SHPRH: variants seen among roughly 807,000 people sequenced by gnomAD.
SHPRH encodes E3 ubiquitin-protein ligase SHPRH.
A neutral mutation model predicts 202.5 loss-of-function variants in SHPRH; 106 were observed. The observed-to-expected ratio is 0.52, with a 90% confidence interval of 0.45 to 0.62. The LOEUF (loss-of-function observed/expected upper bound fraction) is 0.62. SHPRH is among the 20% of genes least tolerant of loss of function. SHPRH has a pLI of 0.00. For synonymous variants in SHPRH, 729 were observed against 686.0 expected, an observed-to-expected ratio of 1.06 and a Z score of -0.98; for missense variants, 1,710 against 2,020.0, an observed-to-expected ratio of 0.85 and a Z score of 2.94.
At chr6:145,895,074 T>G (rs755132734) in intron 25 of SHPRH, 97 bp from the exon 26 acceptor site, 1,500 of 1,032,174 alleles carry the variant, frequency 1.5e-3, no homozygotes, top group Non-Finnish European at 1.6e-3. Flanking sequence ...ATCAAAACTA[T>G]AAATGCATCA....
In SHPRH at chr6:145,943,269, G is replaced by C; in HGVS notation, c.2112C>G (p.Pro704=). The C allele has an allele frequency of 6.2e-7, 1 of 1,613,740 alleles. No individual in the cohort carries two copies. Among genetic ancestry groups the C allele is most frequent in the Non-Finnish European group, 8.5e-7 (1 of 1,179,908 alleles). The change falls in exon 9 of 30, where the codon CCC becomes CCG. Residue 704 remains proline, a synonymous_variant. Transcript: ENST00000275233. ...CTGGTTCCATTGCAACAAGGCAGTG[G>C]GGGCAGTAAAAAGGCTTGATCTTCA... ...KNLKIKPFYC[P]HCLVAMEPVS...
intron 2 of SHPRH, among the ~76,000 whole-genome samples, chr6:145,878,190 A>G (rs1017244141): frequency 6.6e-6 from 1 of 152,218 alleles, no homozygotes; most frequent in Non-Finnish European, 1.5e-5. Flanking sequence ...AAAATTGAGC[A>G]GAAAGTACAC....
In SHPRH at chr6:145,963,781, C is replaced by T. The variant is rs1170956792; in HGVS notation, c.-83G>A. 1 of 152,192 alleles carries T rather than the reference C, an allele frequency of 6.6e-6. No homozygotes were observed. Among genetic ancestry groups the T allele is most frequent in the South Asian group, 2.1e-4 (1 of 4,828 alleles). The allele number at this position is 152,192 out of a possible 1,614,324, so 9.4% of individuals were successfully genotyped here. On this transcript the variant is annotated 5_prime_UTR_variant, in exon 1 of 30. Coordinates refer to ENST00000275233, the MANE Select transcript of SHPRH (RefSeq NM_001042683.3). ...AGCGGCTCCCGGAGTCTGAGCGGGG[C>T]TGTCAGCGCCGGATCGCTCCCAGCA... is the stretch of plus-strand genomic sequence containing the variant.
chr6:145,900,870 T>C lies in SHPRH; in HGVS notation c.4516-5893A>G, dbSNP rs568284469. On this transcript the variant is annotated intron_variant, in intron 25 of 29. Coordinates refer to ENST00000275233, the MANE Select transcript of SHPRH (RefSeq NM_001042683.3). ...GTGATTTTTTATTGTTGCTGGGTTT[T>C]TCTTGAGTATTTTTTATCCGTGGTT... 2.6e-5 allele frequency among the ~76,000 whole-genome samples: 4 copies of C among 152,262 alleles called. No homozygotes were observed. The East Asian group carries it at 7.7e-4, about 29-fold the overall frequency.
intron 2 of SHPRH, among the ~76,000 whole-genome samples, chr6:145,876,282 G>A (rs974112730): frequency 1.3e-5 from 2 of 152,136 alleles, no homozygotes; most frequent in Admixed American, 6.5e-5. Context: ...GCCAAGGCAG[G>A]AGGATCATTT....
chr6:145,899,782 A>G (rs1782336066), intron 25 of SHPRH, among the ~76,000 whole-genome samples: 1 of 152,188 alleles, frequency 6.6e-6, no homozygotes, highest in South Asian at 2.1e-4. Flanking sequence ...TATCCAAAAT[A>G]TACCAGAAAC....
chr6:145,876,530 T>C (rs1218555973), intron 2 of SHPRH, among the ~76,000 whole-genome samples: 1 of 152,224 alleles, frequency 6.6e-6, no homozygotes, highest in Non-Finnish European at 1.5e-5. Context: ...CCAAATCATA[T>C]TCCATTAGAA....
chr6:145,951,764 T>C, intron 3 of SHPRH: 1 of 455,914 alleles, frequency 2.2e-6, no homozygotes, highest in Non-Finnish European at 4.4e-6. Context: ...TGTTCTATAA[T>C]TTGCACCTGA....
chr6:145,896,605 A>G (rs1782033328), intron 25 of SHPRH, among the ~76,000 whole-genome samples: 1 of 151,984 alleles, frequency 6.6e-6, no homozygotes, highest in African/African-American at 2.4e-5. Context: ...ACAGTTCTGA[A>G]CCATTTTGTC....
At chr6:145,902,497 GA>G (rs1421321903) in intron 25 of SHPRH, among the ~76,000 whole-genome samples, 1 of 151,998 alleles carries the variant, frequency 6.6e-6, no homozygotes, top group Non-Finnish European at 1.5e-5. Context: ...TCAGTAGACT[GA>G]AAAAAATTCT....
intron 23 of SHPRH, 127 bp from the exon 24 acceptor site, chr6:145,913,676 T>A: frequency 1.5e-6 from 1 of 645,474 alleles, no homozygotes. Flanking sequence ...ACAATTTAGA[T>A]GACCCATCGA....
intron 14 of SHPRH, among the ~76,000 whole-genome samples, chr6:145,929,412 TAATATA>T (rs1342133822): frequency 1.3e-5 from 2 of 152,182 alleles, no homozygotes; most frequent in African/African-American, 4.8e-5. Flanking sequence ...TATTTACATA[TAATATA>T]AGCAAATCTT....
intron 29 of SHPRH, among the ~76,000 whole-genome samples, chr6:145,887,527 A>G (rs1016763752): frequency 1.3e-5 from 2 of 149,082 alleles, no homozygotes; most frequent in Non-Finnish European, 3.0e-5. Context: ...TAACCTTAAC[A>G]AGTTTGTTTT....
Position 145,922,722 on chromosome 6 carries a change from A to C in SHPRH, c.3660T>G (p.Arg1220=). Residue 1220 remains arginine (R), a synonymous_variant, in exon 19 of 30, where the codon CGT becomes CGG. Coordinates refer to ENST00000275233, the MANE Select transcript of SHPRH (RefSeq NM_001042683.3). Reference sequence around the variant, plus strand: ...AGACTGTTGCAGACTCAATAACATTACGAGATGGAGGTCCCTCCAGGTTTT... The same window carrying C: ...AGACTGTTGCAGACTCAATAACATTCCGAGATGGAGGTCCCTCCAGGTTTT... ...AVKNLEGPPS[R]NVIESATVCH... is the part of the protein sequence containing the mutation. 3 of 1,612,232 alleles carry C rather than the reference A, an allele frequency of 1.9e-6. No homozygotes were observed. Among genetic ancestry groups the C allele is most frequent in the African/African-American group, 1.3e-5 (1 of 74,874 alleles).
At chr6:145,889,389 T>G (rs1204445448) in intron 28 of SHPRH, among the ~76,000 whole-genome samples, 1 of 152,106 alleles carries the variant, frequency 6.6e-6, no homozygotes, top group African/African-American at 2.4e-5. Flanking sequence ...GAGTGTTTTT[T>G]TCTTTCTAAA....
intron 2 of SHPRH, among the ~76,000 whole-genome samples, chr6:145,954,154 G>C (rs1788253560): frequency 6.6e-6 from 1 of 151,748 alleles, no homozygotes; most frequent in Admixed American, 6.6e-5. Context: ...TCAAGCAGAA[G>C]GAACTATAAG....
At chr6:145,916,896 C>T (rs4316025) in intron 23 of SHPRH, among the ~76,000 whole-genome samples, 79,422 of 151,700 alleles carry the variant, frequency 0.52, 21,263 homozygotes, top group East Asian at 0.65. Flanking sequence ...GATTCTCCTG[C>T]CTCAGCCTCC....
intron 1 of SHPRH, among the ~76,000 whole-genome samples, chr6:145,959,489 C>T (rs531524594): frequency 1.4e-5 from 2 of 143,164 alleles, no homozygotes; most frequent in South Asian, 4.5e-4. Context: ...CTGGCGGTAC[C>T]ACCTAGGTTT....
chr6:145,898,361 T>A (rs1782193445), intron 25 of SHPRH, among the ~76,000 whole-genome samples: 1 of 152,126 alleles, frequency 6.6e-6, no homozygotes, highest in South Asian at 2.1e-4. Context: ...AAGACATATG[T>A]TCATGAACTG....
Sources: allele counts gnomAD v4.1 joint callset (sites outside exome capture counted in the v4.1 genomes callset), GRCh38; gene constraint gnomAD v4.1.1; transcripts MANE v1.5; gene names NCBI Gene and HGNC (gene_info 2026-07-23, HGNC 2026-07-21).